Variants in GLI3 observed in about 807,000 individuals in gnomAD.
The protein encoded by GLI3 is transcription activator GLI3.
Under a neutral mutation model 100.8 loss-of-function variants are expected in GLI3, and 20 were observed. That is an observed-to-expected ratio of 0.20 (90% confidence interval 0.14 to 0.29). The LOEUF (loss-of-function observed/expected upper bound fraction) is 0.29, where lower values mean the gene tolerates loss of function less well. GLI3 is among the 10% of genes least tolerant of loss of function. The pLI, the probability that GLI3 is intolerant of heterozygous loss-of-function variation, is 1.00. For synonymous variants in GLI3, 938 were observed against 860.5 expected (o/e 1.09, Z -1.58); for missense variants, 2,040 against 2,128.5 (o/e 0.96, Z 0.82).
At position 42,048,587 on chromosome 7, in the gene GLI3, G is replaced by A. The variant is rs1157012884; in HGVS notation, c.583C>T (p.Pro195Ser). ...TAGTCCATGTAGGGATTAATGTAGGGATGTGGAGGGCTGAAGGGAGACTCG... is the reference window on the plus strand; with the variant it reads ...TAGTCCATGTAGGGATTAATGTAGGAATGTGGAGGGCTGAAGGGAGACTCG... Reference protein sequence around the residue: ...ASESPFSPPHPYINPYMDYIR... With the variant: ...ASESPFSPPHSYINPYMDYIR... The change falls in exon 5 of 15, where the codon CCC becomes TCC. Residue 195 changes from proline to serine, a missense_variant. Pro to Ser is a moderately conservative substitution (Grantham distance 74). Coordinates refer to ENST00000395925, the MANE Select transcript of GLI3 (RefSeq NM_000168.6). 1.2e-6 allele frequency: 2 copies of A among 1,611,712 alleles called. No homozygotes were observed. Among genetic ancestry groups the A allele is most frequent in the South Asian group, 2.2e-5 (2 of 90,952 alleles).
intron 2 of GLI3, among the ~76,000 whole-genome samples, chr7:42,149,254 T>G (rs539892995): frequency 1.3e-5 from 2 of 152,308 alleles, no homozygotes; most frequent in South Asian, 2.1e-4. Context: ...GATGTTGATA[T>G]GTGTCCATGC....
At chr7:42,061,393 GTTTT>G (rs1273118599) in intron 4 of GLI3, among the ~76,000 whole-genome samples, 1 of 152,050 alleles carries the variant, frequency 6.6e-6, no homozygotes, top group African/African-American at 2.4e-5. Context: ...TAACTAGTCT[GTTTT>G]TTGAGTTATC....
intron 4 of GLI3, among the ~76,000 whole-genome samples, chr7:42,067,036 T>C (rs879499777): frequency 6.6e-6 from 1 of 152,116 alleles, no homozygotes; most frequent in Non-Finnish European, 1.5e-5. Context: ...ATAGTGAAGA[T>C]ATATAAAAAA....
At chr7:41,978,200 C>G (rs957916232) in intron 11 of GLI3, among the ~76,000 whole-genome samples, 18 of 152,320 alleles carry the variant, frequency 1.2e-4, no homozygotes, top group African/African-American at 4.3e-4. Flanking sequence ...CCATTCCATA[C>G]GCCTATGCCT....
intron 10 of GLI3, among the ~76,000 whole-genome samples, chr7:42,007,932 T>C (rs1242457247): frequency 6.6e-6 from 1 of 152,302 alleles, no homozygotes; most frequent in East Asian, 1.9e-4. Context: ...AGGAAAAGTC[T>C]TGACCTAGAT....
intron 2 of GLI3, among the ~76,000 whole-genome samples, chr7:42,171,176 A>G (rs532720583): frequency 3.3e-5 from 5 of 152,346 alleles, no homozygotes; most frequent in Middle Eastern, 3.4e-3. Context: ...AAAATTTTCA[A>G]GATTGTTCAG....
Position 41,966,364 on chromosome 7 carries a change from C to G in GLI3, c.2709G>C (p.Ser903=), listed in dbSNP as rs1266922780. Residue 903 remains serine, a synonymous_variant, in exon 15 of 15, where the codon TCG becomes TCC. Transcript: ENST00000395925. This position sits in a 1 kb window ranked among gnomAD's most constrained non-coding sequence, Gnocchi z 5.8. ...TCTGGCTGGCTTCGCTGGAGCGGCG[C>G]GAGGCGTCGGTGGAGATGGGGTCGT... is the stretch of plus-strand genomic sequence containing the variant. ...DSYDPISTDA[S]RRSSEASQSD... 1.2e-6 allele frequency: 2 copies of G among 1,608,290 alleles called. No homozygotes were observed. The highest frequency in any genetic ancestry group is 1.3e-5 in the African/African-American group (1 of 74,878).
At chr7:41,998,849 C>T (rs1358158150) in intron 10 of GLI3, among the ~76,000 whole-genome samples, 4 of 152,186 alleles carry the variant, frequency 2.6e-5, no homozygotes, top group Non-Finnish European at 5.9e-5. Flanking sequence ...AATTATTTTG[C>T]ATCTTTCTCT....
rs886432336 is a variant in GLI3 at position 42,180,463 on chromosome 7, A to T, written c.125-31995T>A. Among the ~76,000 whole-genome samples, 138 of 152,328 alleles carry T rather than the reference A, an allele frequency of 9.1e-4. 1 individual carries two copies. Among genetic ancestry groups the T allele is most frequent in the African/African-American group, 3.2e-3 (132 of 41,570 alleles). ...GCTGGTGAGATGAACATGGTCACTG[A>T]GTGTCTGTTTCTTTTCAGAGGATGG... On this transcript the variant is annotated intron_variant, in intron 2 of 14. Coordinates refer to ENST00000395925, the MANE Select transcript of GLI3 (RefSeq NM_000168.6).
At chr7:42,149,867 T>C (rs1465362168) in intron 2 of GLI3, among the ~76,000 whole-genome samples, 1 of 152,168 alleles carries the variant, frequency 6.6e-6, no homozygotes, top group Non-Finnish European at 1.5e-5. Flanking sequence ...CAGAAGAAAG[T>C]AGAACTGTAA....
rs570753247 is a variant in GLI3 at position 41,966,334 on chromosome 7, G to A, written c.2739C>T (p.Asp913=). ...TGAGGCTGAGCAGGCTGGGCAGGCC[G>A]TCGCTCTGGCTGGCTTCGCTGGAGC... is the stretch of plus-strand genomic sequence containing the variant. ...SRRSSEASQS[D]GLPSLLSLTP... Residue 913 remains aspartate, a synonymous_variant, in exon 15 of 15, where the codon GAC becomes GAT. Coordinates refer to ENST00000395925, the MANE Select transcript of GLI3 (RefSeq NM_000168.6). The surrounding 1 kb of genome is among the most constrained non-coding windows in gnomAD (Gnocchi z 5.8). 3.1e-6 allele frequency: 5 copies of A among 1,607,654 alleles called. No homozygotes were observed. In the South Asian group the frequency reaches 4.4e-5, roughly 14 times the overall value.
Position 41,966,229 on chromosome 7 carries a change from C to T in GLI3, c.2844G>A (p.Met948Ile), listed in dbSNP as rs1180124277. Residue 948 changes from methionine to isoleucine, a missense_variant, in exon 15 of 15, where the codon ATG (methionine) becomes ATA (isoleucine). Physicochemically the swap from Met to Ile is conservative, Grantham distance 10 (BLOSUM62 1). Transcript: ENST00000395925. This position sits in a 1 kb window ranked among gnomAD's most constrained non-coding sequence, Gnocchi z 5.8. ...GGPPPTPLPN[M>I]ERMSLKTRLA... ...GGCGCGTCTTCAGGCTCATCCTCTC[C>T]ATGTTGGGCAGGGGCGTCGGCGGCG... The T allele has an allele frequency of 1.2e-6, 2 of 1,608,964 alleles. No individual in the cohort carries two copies. Among genetic ancestry groups the T allele is most frequent in the East Asian group, 2.2e-5 (1 of 44,810 alleles).
At chr7:42,169,597 C>G (rs1197881094) in intron 2 of GLI3, among the ~76,000 whole-genome samples, 1 of 152,152 alleles carries the variant, frequency 6.6e-6, no homozygotes, top group Non-Finnish European at 1.5e-5. Flanking sequence ...TGGCCCAATC[C>G]TCCCCTTGCT....
intron 3 of GLI3, among the ~76,000 whole-genome samples, chr7:42,098,618 T>C (rs986901588): frequency 1.3e-5 from 2 of 152,174 alleles, no homozygotes; most frequent in African/African-American, 4.8e-5. Context: ...TAAGATCGTG[T>C]TTATAAATAT....
At chr7:42,214,198 G>C (rs758773192) in intron 2 of GLI3, among the ~76,000 whole-genome samples, 54 of 152,268 alleles carry the variant, frequency 3.5e-4, no homozygotes, top group Non-Finnish European at 6.9e-4. Context: ...TTCAGTCAAA[G>C]ACCTCGGACT....
At chr7:42,015,115 T>C (rs1788721795) in intron 10 of GLI3, among the ~76,000 whole-genome samples, 2 of 152,198 alleles carry the variant, frequency 1.3e-5, no homozygotes, top group Admixed American at 6.5e-5. Context: ...GTGAAGAACC[T>C]AGAATGGATA....
Position 41,966,303 on chromosome 7 carries a change from CG to C in GLI3, c.2769del (p.Ala924ProfsTer28). The C allele has an allele frequency of 6.2e-7, 1 of 1,607,864 alleles. No homozygotes were observed. Among genetic ancestry groups the C allele is most frequent in the Non-Finnish European group, 8.5e-7 (1 of 1,179,202 alleles). On this transcript the variant is annotated frameshift_variant, in exon 15 of 15. Coordinates refer to ENST00000395925, the MANE Select transcript of GLI3 (RefSeq NM_000168.6). LOFTEE classifies it low-confidence loss of function (END_TRUNC). This position sits in a 1 kb window ranked among gnomAD's most constrained non-coding sequence, Gnocchi z 5.8. ...TTGGCCTTGAGGCGGTACTGCTGGG[CG>C]GGCGTGAGGCTGAGCAGGCTGGGCA... is the stretch of plus-strand genomic sequence containing the variant. ...DGLPSLLSLT[P>X]AQQYRLKAKY...
intron 4 of GLI3, among the ~76,000 whole-genome samples, chr7:42,057,616 A>C (rs546683805): frequency 1.7e-3 from 262 of 152,360 alleles, no homozygotes; most frequent in South Asian, 0.011. Context: ...ACAATGAAAC[A>C]GTAAACAGCT....
At chr7:42,033,386 T>C (rs982113214) in intron 7 of GLI3, among the ~76,000 whole-genome samples, 5 of 152,234 alleles carry the variant, frequency 3.3e-5, no homozygotes, top group African/African-American at 1.2e-4. Context: ...TCAGGATGTA[T>C]TCCTTTAGGT....
Sources: gnomAD v4.1 joint callset for allele counts (sites outside exome capture counted in the v4.1 genomes callset) on GRCh38, gnomAD v4.1.1 for gene constraint, Gnocchi (gnomAD v3.1) non-coding constraint, MANE v1.5 for transcripts, NCBI Gene and HGNC (gene_info 2026-07-23, HGNC 2026-07-21) for gene names.